The following KLHL1 variants were observed in gnomAD, a reference collection of about 807,000 sequenced individuals.
KLHL1 encodes kelch-like protein 1.
Under a neutral mutation model 77.7 loss-of-function variants are expected in KLHL1, and 47 were observed. That is an observed-to-expected ratio of 0.60 (90% CI 0.48 to 0.77). The LOEUF (loss-of-function observed/expected upper bound fraction) is 0.77, where lower values mean the gene tolerates loss of function less well. Among genes scored for constraint, KLHL1 ranks in the 30% least tolerant of loss-of-function variants. KLHL1 has a pLI of 0.00. For synonymous variants in KLHL1, 360 were observed against 325.2 expected (o/e 1.11, Z -1.15); for missense variants, 925 against 910.8 (o/e 1.02, Z -0.20).
At chr13:70,086,226 G>A (rs1431489649) in intron 1 of KLHL1, among the ~76,000 whole-genome samples, 1 of 151,760 alleles carries the variant, frequency 6.6e-6, no homozygotes, top group Non-Finnish European at 1.5e-5. Flanking sequence ...TTGTGAGAGA[G>A]ATGTTCTGAA....
chr13:69,939,949 T>G (rs1365144593), intron 4 of KLHL1, 91 bp downstream of exon 4: 1 of 977,976 alleles, frequency 1.0e-6, no homozygotes, highest in East Asian at 2.8e-5. Flanking sequence ...CATTTTAAAC[T>G]TAAAAAACTT....
chr13:70,078,813 A>C (rs1358241212), intron 1 of KLHL1, among the ~76,000 whole-genome samples: 1 of 152,220 alleles, frequency 6.6e-6, no homozygotes, highest in Admixed American at 6.5e-5. Flanking sequence ...AAATAAATGC[A>C]TAAGTATACA....
chr13:70,067,705 G>T (rs914211148), intron 1 of KLHL1, among the ~76,000 whole-genome samples: 1 of 152,110 alleles, frequency 6.6e-6, no homozygotes, highest in Non-Finnish European at 1.5e-5. Context: ...CTCTTTGAAA[G>T]AATCTGAAAT....
rs10667717 is a variant in KLHL1 at position 70,027,652 on chromosome 13, G to GTTTTTTTTTT, written c.498-51860_498-51851dup. 2.6e-3 allele frequency among the ~76,000 whole-genome samples: 356 copies of GTTTTTTTTTT among 135,822 alleles called. 14 individuals are homozygous for GTTTTTTTTTT. The highest frequency in any genetic ancestry group is 4.9e-3 in the African/African-American group (177 of 36,468). The allele number at this position is 135,822 out of a possible 152,430, so 89.1% of individuals were successfully genotyped here. A position where few individuals can be genotyped will look rare whatever the true frequency, so the allele number is the denominator to read the frequency against. ...ATTTTTGAAGCGCAAAATGTAAGTT[G>GTTTTTTTTTT]TTTTTTTTTTTTTATGAACTGAACA... On this transcript the variant is annotated intron_variant, in intron 1 of 10. Coordinates refer to ENST00000377844, the MANE Select transcript of KLHL1 (RefSeq NM_020866.3).
chr13:69,789,930 A>T (rs1876785465), intron 7 of KLHL1, among the ~76,000 whole-genome samples: 1 of 152,170 alleles, frequency 6.6e-6, no homozygotes, highest in African/African-American at 2.4e-5. Context: ...CGTCTAGAGT[A>T]GGTAGAGGCA....
At chr13:69,823,435 A>C (rs1365015649) in intron 6 of KLHL1, among the ~76,000 whole-genome samples, 1 of 152,054 alleles carries the variant, frequency 6.6e-6, no homozygotes, top group Non-Finnish European at 1.5e-5. Context: ...TAAAGTCTAT[A>C]TATAAGCCAA....
At chr13:70,102,298 A>T (rs1468837284) in intron 1 of KLHL1, among the ~76,000 whole-genome samples, 4 of 152,182 alleles carry the variant, frequency 2.6e-5, no homozygotes, top group Non-Finnish European at 5.9e-5. Flanking sequence ...TGGTCTCCAA[A>T]ATAATTATTT....
At chr13:69,928,713 C>T (rs1436411744) in intron 4 of KLHL1, among the ~76,000 whole-genome samples, 1 of 151,970 alleles carries the variant, frequency 6.6e-6, no homozygotes, top group Non-Finnish European at 1.5e-5. Flanking sequence ...TTATTAAATG[C>T]CCATCAATTG....
chr13:69,862,484 T>G (rs189504439), intron 5 of KLHL1, among the ~76,000 whole-genome samples: 1 of 152,266 alleles, frequency 6.6e-6, no homozygotes, highest in African/African-American at 2.4e-5. Flanking sequence ...AACTTTGGTT[T>G]GTTGTCATTA....
intron 7 of KLHL1, among the ~76,000 whole-genome samples, chr13:69,782,251 T>C (rs891265212): frequency 1.1e-4 from 17 of 152,132 alleles, no homozygotes; most frequent in Non-Finnish European, 2.2e-4. Flanking sequence ...AGAAGATGGG[T>C]GCTTTCTGCA....
At chr13:70,013,181 T>C (rs532668526) in intron 1 of KLHL1, among the ~76,000 whole-genome samples, 2 of 151,996 alleles carry the variant, frequency 1.3e-5, no homozygotes, top group East Asian at 3.9e-4. Flanking sequence ...AGAAGAAATA[T>C]AAACAAGCAA....
At chr13:69,973,589 G>A (rs1031268070) in intron 2 of KLHL1, among the ~76,000 whole-genome samples, 3 of 151,652 alleles carry the variant, frequency 2.0e-5, no homozygotes, top group African/African-American at 4.8e-5. Context: ...GTATTAAAAT[G>A]TATTAGTTTA....
chr13:69,932,188 C>T (rs1883024153), intron 4 of KLHL1, among the ~76,000 whole-genome samples: 2 of 151,718 alleles, frequency 1.3e-5, no homozygotes, highest in South Asian at 4.1e-4. Context: ...TTGCCTTATA[C>T]AGTCTAGCTC....
At chr13:69,711,652 G>A (rs1438467836) in intron 9 of KLHL1, among the ~76,000 whole-genome samples, 1 of 151,878 alleles carries the variant, frequency 6.6e-6, no homozygotes, top group African/African-American at 2.4e-5. Flanking sequence ...ACTGCATAAC[G>A]GTAATAATGT....
chr13:69,743,495 CA>C (rs1874068833), intron 7 of KLHL1, among the ~76,000 whole-genome samples: 1 of 151,982 alleles, frequency 6.6e-6, no homozygotes, highest in South Asian at 2.1e-4. Context: ...ATAGAAAGAA[CA>C]AATCAGGGCT....
intron 1 of KLHL1, among the ~76,000 whole-genome samples, chr13:70,019,778 A>G (rs1004707407): frequency 6.6e-6 from 1 of 152,178 alleles, no homozygotes; most frequent in African/African-American, 2.4e-5. Context: ...TTAACGATTT[A>G]AATGGTGTTA....
chr13:69,828,668 C>T (rs1336611121), intron 6 of KLHL1, among the ~76,000 whole-genome samples: 2 of 150,134 alleles, frequency 1.3e-5, no homozygotes, highest in African/African-American at 5.0e-5. Flanking sequence ...GGCAAGATCT[C>T]AGCCCTGCTT....
intron 2 of KLHL1, among the ~76,000 whole-genome samples, chr13:69,966,595 T>C (rs920639231): frequency 2.0e-5 from 3 of 152,176 alleles, no homozygotes; most frequent in African/African-American, 2.4e-5. Flanking sequence ...AAAGTATATT[T>C]CATTTCTTTT....
At position 69,793,732 on chromosome 13, in the gene KLHL1, C is replaced by T. The variant is rs78460984; in HGVS notation, c.1639+3006G>A. On this transcript the variant is annotated intron_variant, in intron 7 of 10. Transcript: ENST00000377844. ...TTTTAGTTTCTGAACGAGTAGAAAA[C>T]TAGCACAAACTGTTGGTTTCACACT... Among the ~76,000 whole-genome samples the T allele has an allele frequency of 9.5e-3, 1,442 of 152,066 alleles. 26 individuals are homozygous for T. Among genetic ancestry groups the T allele is most frequent in the African/African-American group, 0.033 (1,384 of 41,494 alleles).
Sources: allele counts gnomAD v4.1 joint callset (sites outside exome capture counted in the v4.1 genomes callset), GRCh38; gene constraint gnomAD v4.1.1; transcripts MANE v1.5; gene names NCBI Gene and HGNC (gene_info 2026-07-23, HGNC 2026-07-21).